The following CNTNAP5 variants were observed in gnomAD, a reference collection of about 807,000 sequenced individuals.
CNTNAP5 encodes the protein contactin-associated protein-like 5.
CNTNAP5 carries 72 observed loss-of-function variants against 150.2 expected under a neutral mutation model. That is an observed-to-expected ratio of 0.48 (90% CI 0.40 to 0.58). The LOEUF (loss-of-function observed/expected upper bound fraction) is 0.58, where lower values mean the gene tolerates loss of function less well. Ranked by LOEUF, CNTNAP5 falls within the 20% of genes least tolerant of loss-of-function variation. The pLI is 0.00. For synonymous variants in CNTNAP5, 672 were observed against 619.8 expected, an observed-to-expected ratio of 1.08 and a Z score of -1.25; for missense variants, 1,636 against 1,626.2, an observed-to-expected ratio of 1.01 and a Z score of -0.10.
chr2:124,798,396 C>A, intron 19 of CNTNAP5, 76 bp downstream of exon 19: 1 of 1,063,380 alleles, frequency 9.4e-7, no homozygotes, highest in Non-Finnish European at 1.4e-6. Context: ...CAGAACTCTG[C>A]ATAATTTCAA....
chr2:124,549,839 C>G (rs1695590878), intron 10 of CNTNAP5, among the ~76,000 whole-genome samples: 1 of 152,224 alleles, frequency 6.6e-6, no homozygotes, highest in Non-Finnish European at 1.5e-5. Flanking sequence ...TCATGTTCAT[C>G]CATTCACTTG....
At chr2:124,854,233 C>T (rs1010325701) in intron 19 of CNTNAP5, among the ~76,000 whole-genome samples, 3 of 152,128 alleles carry the variant, frequency 2.0e-5, no homozygotes, top group African/African-American at 7.2e-5. Context: ...ACGTCCATTC[C>T]TCTATCCATC....
At chr2:124,044,175 C>CT (rs1681466116) in intron 1 of CNTNAP5, among the ~76,000 whole-genome samples, 1 of 152,212 alleles carries the variant, frequency 6.6e-6, no homozygotes, top group Non-Finnish European at 1.5e-5. Flanking sequence ...AGGAGTACTG[C>CT]TTACGGTGTG....
At chr2:124,248,939 A>G (rs1443433572) in intron 3 of CNTNAP5, among the ~76,000 whole-genome samples, 2 of 152,186 alleles carry the variant, frequency 1.3e-5, no homozygotes, top group African/African-American at 4.8e-5. Flanking sequence ...CTGCTATTAA[A>G]TTAATCTTAT....
chr2:124,309,066 C>T (rs552144778), intron 3 of CNTNAP5, among the ~76,000 whole-genome samples: 3 of 152,276 alleles, frequency 2.0e-5, no homozygotes, highest in Non-Finnish European at 4.4e-5. Context: ...TAGACATACA[C>T]ACCTATAATA....
intron 3 of CNTNAP5, among the ~76,000 whole-genome samples, chr2:124,413,347 G>C (rs1205613201): frequency 6.6e-6 from 1 of 151,140 alleles, no homozygotes; most frequent in Non-Finnish European, 1.5e-5. Flanking sequence ...TCTAGAACTA[G>C]AAATATCATT....
intron 4 of CNTNAP5, among the ~76,000 whole-genome samples, chr2:124,428,527 A>G (rs956713234): frequency 2.0e-5 from 3 of 152,222 alleles, no homozygotes; most frequent in Non-Finnish European, 4.4e-5. Context: ...ACATGTGTAC[A>G]TGGTTTCCCT....
At chr2:124,158,219 T>A (rs1167976123) in intron 1 of CNTNAP5, among the ~76,000 whole-genome samples, 1 of 152,166 alleles carries the variant, frequency 6.6e-6, no homozygotes, top group African/African-American at 2.4e-5. Flanking sequence ...TTGGAAAACA[T>A]TATCCATAGC....
intron 3 of CNTNAP5, among the ~76,000 whole-genome samples, chr2:124,307,495 G>A (rs1573905625): frequency 6.6e-6 from 1 of 152,130 alleles, no homozygotes. Flanking sequence ...ATCTTGCTGG[G>A]CATTGCTTCC....
At chr2:124,163,132 T>C (rs1405762545) in intron 1 of CNTNAP5, among the ~76,000 whole-genome samples, 1 of 152,132 alleles carries the variant, frequency 6.6e-6, no homozygotes, top group African/African-American at 2.4e-5. Context: ...GCATATTTAA[T>C]CTCATCCATC....
chr2:124,179,770 G>T (rs13033298), intron 1 of CNTNAP5, among the ~76,000 whole-genome samples: 34,189 of 152,102 alleles, frequency 0.22, 4,130 homozygotes, highest in African/African-American at 0.3. Flanking sequence ...TCCTAACCCT[G>T]TAGCTTTAAC....
At chr2:124,292,383 A>C (rs1195678799) in intron 3 of CNTNAP5, among the ~76,000 whole-genome samples, 1 of 152,212 alleles carries the variant, frequency 6.6e-6, no homozygotes, top group Non-Finnish European at 1.5e-5. Flanking sequence ...GATTATTCCT[A>C]CAAAAGCAAA....
At chr2:124,584,088 G>A (rs1027387054) in intron 11 of CNTNAP5, among the ~76,000 whole-genome samples, 5 of 152,090 alleles carry the variant, frequency 3.3e-5, no homozygotes, top group African/African-American at 1.2e-4. Flanking sequence ...AATAGCATCA[G>A]GTCAAATCCT....
chr2:124,036,401 A>T (rs1266473159), intron 1 of CNTNAP5, among the ~76,000 whole-genome samples: 1 of 152,036 alleles, frequency 6.6e-6, no homozygotes, highest in Non-Finnish European at 1.5e-5. Context: ...TCCCACCCCA[A>T]GTCTTCAGAT....
At chr2:124,148,103 G>C (rs1414588078) in intron 1 of CNTNAP5, among the ~76,000 whole-genome samples, 2 of 152,006 alleles carry the variant, frequency 1.3e-5, no homozygotes, top group African/African-American at 2.4e-5. Context: ...GGTTGTCAAG[G>C]CTTATAAGCT....
chr2:124,738,728 C>CAA (rs35823681), intron 13 of CNTNAP5, among the ~76,000 whole-genome samples: 2,413 of 130,060 alleles, frequency 0.019, 83 homozygotes, highest in African/African-American at 0.061. Context: ...GAGACTCCAT[C>CAA]AAAAAAAAAA....
chr2:124,534,623 C>T (rs1695186940), intron 10 of CNTNAP5, among the ~76,000 whole-genome samples: 1 of 152,102 alleles, frequency 6.6e-6, no homozygotes, highest in Non-Finnish European at 1.5e-5. Context: ...GCCTGTAGTC[C>T]CAGCATTTTG....
chr2:124,349,714 CTG>C (rs1350714219), intron 3 of CNTNAP5, among the ~76,000 whole-genome samples: 1 of 152,036 alleles, frequency 6.6e-6, no homozygotes, highest in Non-Finnish European at 1.5e-5. Context: ...TATTAAAACA[CTG>C]TAAGATATTT....
rs945868579 is a variant in CNTNAP5 at position 124,920,512 on chromosome 2, C to T, written c.*6224C>T. 1.3e-5 allele frequency among the ~76,000 whole-genome samples: 2 copies of T among 152,088 alleles called. No individual in the cohort carries two copies. The highest frequency in any genetic ancestry group is 2.9e-5 in the Non-Finnish European group (2 of 67,998). On this transcript the variant is annotated 3_prime_UTR_variant, in exon 24 of 24. Coordinates refer to ENST00000682447, the MANE Select transcript of CNTNAP5 (RefSeq NM_001367498.1). The stretch of plus-strand genomic sequence containing the variant: ...CTGTTGCAAAAAATACCAAACTTTG[C>T]TTAAAGCAGCATAGTTACATTGAGA...
Sources: allele counts gnomAD v4.1 joint callset (sites outside exome capture counted in the v4.1 genomes callset), GRCh38; gene constraint gnomAD v4.1.1; transcripts MANE v1.5; gene names NCBI Gene and HGNC (gene_info 2026-07-23, HGNC 2026-07-21).